The following CALCOCO1 variants were observed in gnomAD, a reference collection of about 807,000 sequenced individuals.
The protein encoded by CALCOCO1 is calcium-binding and coiled-coil domain-containing protein 1.
CALCOCO1 carries 44 observed loss-of-function variants against 86.3 expected under a neutral mutation model. The ratio of observed to expected loss-of-function variants is 0.51; its 90% CI spans 0.40 to 0.66. The LOEUF (loss-of-function observed/expected upper bound fraction) is 0.66. Ranked by LOEUF, CALCOCO1 falls within the 30% of genes least tolerant of loss-of-function variation. CALCOCO1 has a pLI of 0.00. For missense variants in CALCOCO1, 708 were observed against 851.1 expected (o/e 0.83, Z 2.09); for synonymous variants, 297 against 327.6 (o/e 0.91, Z 1.01).
intron 2 of CALCOCO1, 67 bp from the exon 3 acceptor site, chr12:53,724,814 C>T: frequency 7.6e-7 from 1 of 1,324,158 alleles, no homozygotes; most frequent in South Asian, 1.3e-5. Flanking sequence ...GAAGAAAGGG[C>T]TGAGGGGTTG....
At chr12:53,724,990 A>C in intron 2 of CALCOCO1, 97 bp downstream of exon 2, 1 of 1,314,328 alleles carries the variant, frequency 7.6e-7, no homozygotes, top group Non-Finnish European at 1.1e-6. Context: ...CTTCTTCTCT[A>C]TCAACCTGAG....
rs772519584 is a variant in CALCOCO1 at position 53,715,861 on chromosome 12, C to A, written c.1192G>T (p.Gly398Cys). 2.5e-6 allele frequency: 4 copies of A among 1,614,108 alleles called. No individual in the cohort carries two copies. The highest frequency in any genetic ancestry group is 3.4e-6 in the Non-Finnish European group (4 of 1,180,046). ...AEVNGRLAEL[G>C]LHLKEEKCQW... Reference sequence around the variant, plus strand: ...CATTTTTCTTCCTTCAAGTGCAAACCGAGCTCAGCCAGCCTGCCGTTAACT... The same window carrying A: ...CATTTTTCTTCCTTCAAGTGCAAACAGAGCTCAGCCAGCCTGCCGTTAACT... The change falls in exon 9 of 15, where the codon GGT (glycine) becomes TGT (cysteine). Residue 398 changes from glycine (G) to cysteine (C), a missense_variant. Coordinates refer to ENST00000550804, the MANE Select transcript of CALCOCO1 (RefSeq NM_020898.3).
At position 53,721,546 on chromosome 12, in the gene CALCOCO1, C is replaced by A. The variant is rs1945866491; in HGVS notation, c.679G>T (p.Val227Leu). The change falls in exon 6 of 15, where the codon GTG becomes TTG. Residue 227 changes from valine (V) to leucine (L), a missense_variant. Coordinates refer to ENST00000550804, the MANE Select transcript of CALCOCO1 (RefSeq NM_020898.3). ...TCCTCTAGCTCCAGGATGCGTGCCA[C>A]ATGGTCTCCCTGTTGCCGGCTCAGG... Reference protein sequence around the residue: ...DILSRQQGDHVARILELEDDI... With the variant: ...DILSRQQGDHLARILELEDDI... 6.2e-7 allele frequency: 1 copy of A among 1,613,790 alleles called. No individual in the cohort carries two copies. Among genetic ancestry groups the A allele is most frequent in the Admixed American group, 1.7e-5 (1 of 59,892 alleles).
At chr12:53,712,567 TA>T in intron 14 of CALCOCO1, 1 of 229,436 alleles carries the variant, frequency 4.4e-6, no homozygotes, top group Non-Finnish European at 8.8e-6. Context: ...AACCTGGGAA[TA>T]AAAGGGAAGG....
At chr12:53,715,454 T>C in intron 9 of CALCOCO1, 129 bp from the exon 10 acceptor site, 2 of 1,272,800 alleles carry the variant, frequency 1.6e-6, no homozygotes, top group Non-Finnish European at 1.1e-6. Context: ...CACTTTCCCC[T>C]TTTTGCCTTC....
At chr12:53,715,429 G>T in intron 9 of CALCOCO1, 104 bp from the exon 10 acceptor site, 1 of 1,457,084 alleles carries the variant, frequency 6.9e-7, no homozygotes, top group Non-Finnish European at 9.3e-7. Context: ...TTTATTTAAA[G>T]CATCATTTTT....
rs537375925 is a variant in CALCOCO1, at chr12:53,721,564, G to A, written c.661C>T (p.Arg221Trp). Reference sequence around the variant, plus strand: ...CGTGCCACATGGTCTCCCTGTTGCCGGCTCAGGATGTCCCTCTCTTCTGTG... The same window carrying A: ...CGTGCCACATGGTCTCCCTGTTGCCAGCTCAGGATGTCCCTCTCTTCTGTG... ...EITEERDILS[R>W]QQGDHVARIL... The change falls in exon 6 of 15, where the codon CGG becomes TGG. Residue 221 changes from arginine (R) to tryptophan (W), a missense_variant. Physicochemically the swap from Arg to Trp is moderately radical, Grantham distance 101. Transcript: ENST00000550804. 25 of 1,613,746 alleles carry A rather than the reference G, an allele frequency of 1.5e-5. No homozygotes were observed. Among genetic ancestry groups the A allele is most frequent in the East Asian group, 1.1e-4 (5 of 44,878 alleles).
intron 10 of CALCOCO1, among the ~76,000 whole-genome samples, chr12:53,714,924 C>A (rs1353172192): frequency 6.6e-6 from 1 of 152,296 alleles, no homozygotes; most frequent in Non-Finnish European, 1.5e-5. Flanking sequence ...TGGGGACCTG[C>A]ATGACTTCCT....
At chr12:53,719,592 C>T (rs994730482) in intron 7 of CALCOCO1, 147 bp downstream of exon 7, 12 of 627,738 alleles carry the variant, frequency 1.9e-5, no homozygotes, top group African/African-American at 9.3e-5. Flanking sequence ...TCTGACTAAT[C>T]CTGATTTAGG....
At chr12:53,723,978 C>T in intron 3 of CALCOCO1, 195 bp from the exon 4 acceptor site, 1 of 593,714 alleles carries the variant, frequency 1.7e-6, no homozygotes, top group South Asian at 2.1e-5. Flanking sequence ...CATAATAATG[C>T]TAGTTACCAT....
In CALCOCO1 at chr12:53,708,794, G is replaced by C. The variant is rs1343281201; in HGVS notation, c.*3150C>G. 1 of 152,112 alleles carries C rather than the reference G, an allele frequency of 6.6e-6. No individual in the cohort carries two copies. Among genetic ancestry groups the C allele is most frequent in the Non-Finnish European group, 1.5e-5 (1 of 68,020 alleles). 9.4% of individuals were successfully genotyped at this position (152,112 alleles called of 1,614,324 possible). The stretch of plus-strand genomic sequence containing the variant: ...CATCTTTTTATAAAGTGCTCTACGT[G>C]GTATGTCAAAGGATAACTGAGGGCA... On this transcript the variant is annotated 3_prime_UTR_variant, in exon 15 of 15. Coordinates refer to ENST00000550804, the MANE Select transcript of CALCOCO1 (RefSeq NM_020898.3).
chr12:53,723,566 G>C (rs1034523401), intron 4 of CALCOCO1, 27 bp downstream of exon 4: 2 of 1,613,184 alleles, frequency 1.2e-6, no homozygotes, highest in East Asian at 2.2e-5. Context: ...CCCTTGTCTG[G>C]GAATAACTCT....
At chr12:53,725,315 TC>T in intron 1 of CALCOCO1, 49 bp from the exon 2 acceptor site, 2 of 1,271,574 alleles carry the variant, frequency 1.6e-6, no homozygotes, top group Non-Finnish European at 2.1e-6. Flanking sequence ...TCCACCTCCT[TC>T]CCCCCACAGC....
Position 53,715,121 on chromosome 12 carries a change from C to A in CALCOCO1, c.1386+79G>T, listed in dbSNP as rs550630598. 2.3e-4 allele frequency: 350 copies of A among 1,534,378 alleles called. 5 individuals are homozygous for A. In the South Asian group the frequency reaches 4.2e-3, roughly 19 times the overall value. On this transcript the variant is annotated intron_variant, in intron 10 of 14. Transcript: ENST00000550804. The stretch of plus-strand genomic sequence containing the variant: ...TAGTGGACACCTAGCACTTCTGAGC[C>A]CATACCCAAGACAGAGAGAAGGGGT...
intron 13 of CALCOCO1, among the ~76,000 whole-genome samples, chr12:53,713,480 G>C (rs1257163650): frequency 6.6e-6 from 1 of 152,110 alleles, no homozygotes; most frequent in African/African-American, 2.4e-5. Flanking sequence ...CCTCTCCCCT[G>C]GGAAAAAGAG....
At chr12:53,723,466 T>C in intron 4 of CALCOCO1, 127 bp downstream of exon 4, 4 of 928,844 alleles carry the variant, frequency 4.3e-6, no homozygotes, top group African/African-American at 1.6e-5. Flanking sequence ...AGGCAGGACT[T>C]TGTCTAACTT....
intron 10 of CALCOCO1, 118 bp downstream of exon 10, chr12:53,715,082 G>C: frequency 7.9e-7 from 1 of 1,266,020 alleles, no homozygotes; most frequent in Non-Finnish European, 1.1e-6. Context: ...CAAGTGAAAT[G>C]CCACCCAACA....
intron 14 of CALCOCO1, 145 bp downstream of exon 14, chr12:53,712,955 C>A (rs1945611312): frequency 7.9e-7 from 1 of 1,265,790 alleles, no homozygotes; most frequent in Non-Finnish European, 1.1e-6. Flanking sequence ...AGTCATTTTC[C>A]TTGTTAACCA....
chr12:53,718,364 C>T (rs1306357228), intron 7 of CALCOCO1, among the ~76,000 whole-genome samples: 2 of 152,066 alleles, frequency 1.3e-5, no homozygotes, highest in South Asian at 2.1e-4. Context: ...GCTTTCATTA[C>T]CTTTTAAGTA....
Sources: gnomAD v4.1 joint callset for allele counts (sites outside exome capture counted in the v4.1 genomes callset) on GRCh38, gnomAD v4.1.1 for gene constraint, MANE v1.5 for transcripts, NCBI Gene and HGNC (gene_info 2026-07-23, HGNC 2026-07-21) for gene names.